The following FBXO45 variants were observed in gnomAD, a reference collection of about 807,000 sequenced individuals.
FBXO45 encodes the protein F-box protein 45, also known as F-box/SPRY domain-containing protein 1.
In FBXO45, 3 loss-of-function variants were observed where a neutral mutation model predicts 25.5. The observed-to-expected ratio is 0.12, with a 90% CI of 0.05 to 0.30. The LOEUF (loss-of-function observed/expected upper bound fraction) is 0.30. Ranked by LOEUF, FBXO45 falls within the 10% of genes least tolerant of loss-of-function variation. FBXO45 has a pLI of 1.00. For synonymous variants in FBXO45, 155 were observed against 149.8 expected (o/e 1.03, Z -0.25); for missense variants, 219 against 365.0 (o/e 0.60, Z 3.26).
rs372773953 is a variant in FBXO45 at position 196,576,932 on chromosome 3, A to G, written c.319-521A>G. Among the ~76,000 whole-genome samples, 80 of 152,356 alleles carry G rather than the reference A, an allele frequency of 5.3e-4. 3 individuals carry two copies. The South Asian group carries it at 0.014, about 27-fold the overall frequency. Reference sequence around the variant, plus strand: ...TTTTGATGACAGCATTGCCCATATGAAAACTGTACATCTCAACTTTTTGGT... The same window carrying G: ...TTTTGATGACAGCATTGCCCATATGGAAACTGTACATCTCAACTTTTTGGT... On this transcript the variant is annotated intron_variant, in intron 1 of 2. Coordinates refer to ENST00000311630, the MANE Select transcript of FBXO45 (RefSeq NM_001105573.2).
intron 1 of FBXO45, among the ~76,000 whole-genome samples, chr3:196,570,512 G>T (rs968252755): frequency 6.6e-6 from 1 of 151,778 alleles, no homozygotes; most frequent in Non-Finnish European, 1.5e-5. Context: ...GCTGGGATTA[G>T]AGGCGTGAGC....
intron 2 of FBXO45, among the ~76,000 whole-genome samples, chr3:196,580,241 T>C (rs990303665): frequency 2.6e-5 from 4 of 151,652 alleles, no homozygotes; most frequent in African/African-American, 9.7e-5. Flanking sequence ...GTTTCACTCT[T>C]GTTGCCCATG....
chr3:196,569,323 A>G lies in FBXO45; in HGVS notation c.318+21A>G, dbSNP rs369297151. The G allele has an allele frequency of 1.7e-3, 2,475 of 1,487,512 alleles. 9 individuals carry two copies. Among genetic ancestry groups the G allele is most frequent in the Non-Finnish European group, 2.0e-3 (2,153 of 1,102,988 alleles). 92.1% of individuals were successfully genotyped at this position (1,487,512 alleles called of 1,614,324 possible). A position where few individuals can be genotyped will look rare whatever the true frequency, so the allele number is the denominator to read the frequency against. ...CCAAGGTGAGAGAGCCCCGGGCCAC[A>G]CCGCTGCCCCCAGTCCCGCTCCCCG... On this transcript the variant is annotated intron_variant, in intron 1 of 2. Transcript: ENST00000311630. This position sits in a 1 kb window ranked among gnomAD's most constrained non-coding sequence, Gnocchi z 4.1.
chr3:196,575,743 T>G (rs1021497836), intron 1 of FBXO45, among the ~76,000 whole-genome samples: 1 of 151,328 alleles, frequency 6.6e-6, no homozygotes, highest in Non-Finnish European at 1.5e-5. Flanking sequence ...GTGGTGTGAT[T>G]TTGGCTCACT....
intron 1 of FBXO45, among the ~76,000 whole-genome samples, chr3:196,576,953 T>G (rs1190151749): frequency 3.3e-5 from 5 of 152,208 alleles, no homozygotes; most frequent in African/African-American, 1.2e-4. Context: ...TCTCAACTTT[T>G]TGGTATAAAA....
intron 1 of FBXO45, among the ~76,000 whole-genome samples, chr3:196,570,357 C>A (rs1056690520): frequency 2.0e-5 from 3 of 151,736 alleles, no homozygotes; most frequent in Admixed American, 6.6e-5. Context: ...CTTGCCTCAG[C>A]CTCCCGAGTA....
chr3:196,578,046 C>CTTTTTTTTTT (rs775555553), intron 2 of FBXO45, among the ~76,000 whole-genome samples: 1,174 of 93,928 alleles, frequency 0.012, 128 homozygotes, highest in African/African-American at 0.035. Context: ...GAAAAATATT[C>CTTTTTTTTTT]TTTTTTTTTT....
Position 196,584,353 on chromosome 3 carries a change from G to A in FBXO45, c.*35G>A. ...TCTTGTGATGACAGACAGAATGGAGGAGAGATCTGCTTATGGGAAGTAGAA... is the reference window on the plus strand; with the variant it reads ...TCTTGTGATGACAGACAGAATGGAGAAGAGATCTGCTTATGGGAAGTAGAA... On this transcript the variant is annotated 3_prime_UTR_variant, in exon 3 of 3. Transcript: ENST00000311630. The surrounding 1 kb of genome is among the most constrained non-coding windows in gnomAD (Gnocchi z 4.3). 1 of 1,560,550 alleles carries A rather than the reference G, an allele frequency of 6.4e-7. No homozygotes were observed. The highest frequency in any genetic ancestry group is 8.7e-7 in the Non-Finnish European group (1 of 1,154,100).
intron 1 of FBXO45, among the ~76,000 whole-genome samples, chr3:196,575,944 TG>T (rs1287193071): frequency 6.6e-6 from 1 of 152,218 alleles, no homozygotes; most frequent in African/African-American, 2.4e-5. Context: ...CCCAAAGTGC[TG>T]GGATTGCAGG....
intron 2 of FBXO45, among the ~76,000 whole-genome samples, chr3:196,580,414 G>A (rs967311586): frequency 2.6e-5 from 4 of 152,022 alleles, no homozygotes; most frequent in Admixed American, 2.0e-4. Context: ...GTTTCACCAC[G>A]TTGGCCAGGC....
rs991405658 is a variant in FBXO45 at position 196,569,752 on chromosome 3, C to T, written c.318+450C>T. On this transcript the variant is annotated intron_variant, in intron 1 of 2. Transcript: ENST00000311630. This position sits in a 1 kb window ranked among gnomAD's most constrained non-coding sequence, Gnocchi z 4.1. ...ACGTTTATCTCATCTTTTCCAAGCT[C>T]TGATTTTTAACCATTTGTTTTCATT... Among the ~76,000 whole-genome samples the T allele has an allele frequency of 2.6e-5, 4 of 152,210 alleles. No individual in the cohort carries two copies. Among genetic ancestry groups the T allele is most frequent in the African/African-American group, 9.7e-5 (4 of 41,432 alleles).
At chr3:196,579,367 G>T (rs1735971253) in intron 2 of FBXO45, among the ~76,000 whole-genome samples, 1 of 152,134 alleles carries the variant, frequency 6.6e-6, no homozygotes, top group African/African-American at 2.4e-5. Flanking sequence ...TTTTTTCATG[G>T]AATGTTTCCT....
At chr3:196,580,401 G>A (rs1012211275) in intron 2 of FBXO45, among the ~76,000 whole-genome samples, 2 of 151,996 alleles carry the variant, frequency 1.3e-5, no homozygotes, top group African/African-American at 4.8e-5. Context: ...TAGTAGAGAC[G>A]GGGTTTCACC....
Position 196,569,480 on chromosome 3 carries a change from A to G in FBXO45, c.318+178A>G, listed in dbSNP as rs1735744815. Among the ~76,000 whole-genome samples, 1 of 152,080 alleles carries G rather than the reference A, an allele frequency of 6.6e-6. No individual in the cohort carries two copies. Among genetic ancestry groups the G allele is most frequent in the East Asian group, 1.9e-4 (1 of 5,194 alleles). Reference sequence around the variant, plus strand: ...TAAAGATTCTCTTTTCTTTGGATCGAAGTTCTGCTCCTTAACCCATCCCAC... The same window carrying G: ...TAAAGATTCTCTTTTCTTTGGATCGGAGTTCTGCTCCTTAACCCATCCCAC... On this transcript the variant is annotated intron_variant, in intron 1 of 2. Coordinates refer to ENST00000311630, the MANE Select transcript of FBXO45 (RefSeq NM_001105573.2). This position sits in a 1 kb window ranked among gnomAD's most constrained non-coding sequence, Gnocchi z 4.1.
rs1234949857 is a variant in FBXO45, at chr3:196,570,541, C to T, written c.318+1239C>T. The stretch of plus-strand genomic sequence containing the variant: ...CGTGAGCCACCGCGCGATAACACCC[C>T]CTTTTTAATGCTAGCTTGCCAACAG... On this transcript the variant is annotated intron_variant, in intron 1 of 2. Coordinates refer to ENST00000311630, the MANE Select transcript of FBXO45 (RefSeq NM_001105573.2). Among the ~76,000 whole-genome samples, 3 of 151,878 alleles carry T rather than the reference C, an allele frequency of 2.0e-5. No individual in the cohort carries two copies. The East Asian group carries it at 5.9e-4, about 30-fold the overall frequency.
rs1384629818 is a variant in FBXO45 at position 196,588,490 on chromosome 3, A to G, written c.*4172A>G. On this transcript the variant is annotated 3_prime_UTR_variant, in exon 3 of 3. Transcript: ENST00000311630. This position sits in a 1 kb window ranked among gnomAD's most constrained non-coding sequence, Gnocchi z 4.2. ...TGGAAGCCTTTATTAGGAACAGCCCACACCCAGCCCAAATGCTGTCCTCAA... is the reference window on the plus strand; with the variant it reads ...TGGAAGCCTTTATTAGGAACAGCCCGCACCCAGCCCAAATGCTGTCCTCAA... The G allele has an allele frequency of 3.3e-5, 5 of 152,244 alleles. No homozygotes were observed. Among genetic ancestry groups the G allele is most frequent in the African/African-American group, 1.2e-4 (5 of 41,464 alleles). The allele number at this position is 152,244 out of a possible 1,614,324, so 9.4% of individuals were successfully genotyped here. A position where few individuals can be genotyped will look rare whatever the true frequency, so the allele number is the denominator to read the frequency against.
At chr3:196,572,335 AC>A (rs1735842555) in intron 1 of FBXO45, among the ~76,000 whole-genome samples, 1 of 152,246 alleles carries the variant, frequency 6.6e-6, no homozygotes, top group African/African-American at 2.4e-5. Flanking sequence ...AAATAATCAC[AC>A]AGATGTAAAA....
Position 196,586,267 on chromosome 3 carries a change from A to G in FBXO45, c.*1949A>G, listed in dbSNP as rs1157471030. ...TTCTTTTTCAGGTTGTGATGTGGCC[A>G]TTCCGAATTTTGTTGAGAGTTTGGT... On this transcript the variant is annotated 3_prime_UTR_variant, in exon 3 of 3. Transcript: ENST00000311630. 1 of 152,194 alleles carries G rather than the reference A, an allele frequency of 6.6e-6. No individual in the cohort carries two copies. Among genetic ancestry groups the G allele is most frequent in the East Asian group, 1.9e-4 (1 of 5,192 alleles). The allele number at this position is 152,194 out of a possible 1,614,324, so 9.4% of individuals were successfully genotyped here. A position where few individuals can be genotyped will look rare whatever the true frequency, so the allele number is the denominator to read the frequency against.
Position 196,569,444 on chromosome 3 carries a change from T to A in FBXO45, c.318+142T>A. 1 of 718,562 alleles carries A rather than the reference T, an allele frequency of 1.4e-6. No homozygotes were observed. Among genetic ancestry groups the A allele is most frequent in the South Asian group, 2.4e-5 (1 of 41,582 alleles). 44.5% of individuals were successfully genotyped at this position (718,562 alleles called of 1,614,324 possible). On this transcript the variant is annotated intron_variant, in intron 1 of 2. Coordinates refer to ENST00000311630, the MANE Select transcript of FBXO45 (RefSeq NM_001105573.2). This position sits in a 1 kb window ranked among gnomAD's most constrained non-coding sequence, Gnocchi z 4.1. ...GGCTCCAGTCAGTATCTTCCTCACC[T>A]CCCCCCAAGATAAAGATTCTCTTTT...
Sources: gnomAD v4.1 joint callset for allele counts (sites outside exome capture counted in the v4.1 genomes callset) on GRCh38, gnomAD v4.1.1 for gene constraint, Gnocchi (gnomAD v3.1) non-coding constraint, MANE v1.5 for transcripts, NCBI Gene and HGNC (gene_info 2026-07-23, HGNC 2026-07-21) for gene names.